GRM1: variants seen among roughly 807,000 people sequenced by gnomAD.
GRM1 encodes the protein glutamate metabotropic receptor 1.
In GRM1, 33 loss-of-function variants were observed where a neutral mutation model predicts 90.9. That is an observed-to-expected ratio of 0.36 (90% CI 0.28 to 0.49). The LOEUF is 0.49. Among genes scored for constraint, GRM1 ranks in the 20% least tolerant of loss-of-function variants. The pLI, the probability that GRM1 is intolerant of heterozygous loss-of-function variation, is 0.99. For synonymous variants in GRM1, 700 were observed against 613.2 expected, an observed-to-expected ratio of 1.14 and a Z score of -2.09; for missense variants, 1,190 against 1,534.3, an observed-to-expected ratio of 0.78 and a Z score of 3.75.
intron 2 of GRM1, among the ~76,000 whole-genome samples, chr6:146,244,937 C>T (rs1781003948): frequency 6.6e-6 from 1 of 152,176 alleles, no homozygotes; most frequent in Non-Finnish European, 1.5e-5. Context: ...GAGCAGTTAG[C>T]TATTGCAAAT....
In GRM1 at chr6:146,065,969, C is replaced by A. The variant is rs532650512; in HGVS notation, c.700+35752C>A. ...CCATGACTCAAAGGAAAAAAAAAAA[C>A]CTGATCAGAATTTGAAATTGAATGA... On this transcript the variant is annotated intron_variant, in intron 1 of 7. Transcript: ENST00000282753. Among the ~76,000 whole-genome samples the A allele has an allele frequency of 1.1e-3, 173 of 151,676 alleles. 2 individuals are homozygous for A. Among genetic ancestry groups the A allele is most frequent in the Non-Finnish European group, 1.1e-3 (74 of 67,828 alleles).
intron 1 of GRM1, among the ~76,000 whole-genome samples, chr6:146,143,694 CAT>C (rs1326144479): frequency 6.6e-6 from 1 of 151,960 alleles, no homozygotes; most frequent in African/African-American, 2.4e-5. Context: ...TAAAAGAAAT[CAT>C]ATTGGGAAAG....
chr6:146,254,021 A>G (rs538206635), intron 2 of GRM1, among the ~76,000 whole-genome samples: 1 of 152,018 alleles, frequency 6.6e-6, no homozygotes, highest in Non-Finnish European at 1.5e-5. Flanking sequence ...GGTTTAAACT[A>G]GATAGTGTGT....
chr6:146,346,254 A>G (rs1448689188), intron 3 of GRM1, among the ~76,000 whole-genome samples: 1 of 152,246 alleles, frequency 6.6e-6, no homozygotes, highest in Admixed American at 6.5e-5. Flanking sequence ...CTGTTTTAAC[A>G]ATAGATTGGA....
intron 2 of GRM1, among the ~76,000 whole-genome samples, chr6:146,256,734 A>G (rs1344249120): frequency 1.3e-5 from 2 of 151,836 alleles, no homozygotes; most frequent in African/African-American, 4.8e-5. Context: ...TTTTTCCCCT[A>G]CTCCATTGGA....
At chr6:146,047,009 A>G (rs537118984) in intron 1 of GRM1, among the ~76,000 whole-genome samples, 1 of 152,124 alleles carries the variant, frequency 6.6e-6, no homozygotes, top group African/African-American at 2.4e-5. Context: ...TCTCACATCA[A>G]TAAAATCATG....
At chr6:146,119,701 C>T (rs371303111) in intron 1 of GRM1, among the ~76,000 whole-genome samples, 1 of 152,078 alleles carries the variant, frequency 6.6e-6, no homozygotes, top group African/African-American at 2.4e-5. Flanking sequence ...ATAGGGAATC[C>T]TTTCTCTATT....
Position 146,436,472 on chromosome 6 carries a change from G to A in GRM1, c.*1676G>A, listed in dbSNP as rs1034037159. On this transcript the variant is annotated 3_prime_UTR_variant, in exon 8 of 8. Transcript: ENST00000282753. Reference sequence around the variant, plus strand: ...ATCATTTTTTTAAAGATTTTCCACAGCTACTTGAGTGTCTAACATACAGTA... The same window carrying A: ...ATCATTTTTTTAAAGATTTTCCACAACTACTTGAGTGTCTAACATACAGTA... 2.6e-5 allele frequency: 4 copies of A among 152,170 alleles called. No individual in the cohort carries two copies. Among genetic ancestry groups the A allele is most frequent in the African/African-American group, 9.7e-5 (4 of 41,434 alleles). The allele number at this position is 152,170 out of a possible 1,614,324, so 9.4% of individuals were successfully genotyped here. A position where few individuals can be genotyped will look rare whatever the true frequency, so the allele number is the denominator to read the frequency against.
At chr6:146,063,891 A>G (rs1015798461) in intron 1 of GRM1, among the ~76,000 whole-genome samples, 3 of 152,170 alleles carry the variant, frequency 2.0e-5, no homozygotes, top group African/African-American at 7.2e-5. Flanking sequence ...AGTACAGCCA[A>G]ATTATTATCT....
chr6:146,192,367 C>T (rs1251140942), intron 2 of GRM1, among the ~76,000 whole-genome samples: 2 of 152,166 alleles, frequency 1.3e-5, no homozygotes, highest in African/African-American at 2.4e-5. Context: ...AAGCTGGGCA[C>T]TAAAATCTAC....
chr6:146,242,646 C>T (rs1780908226), intron 2 of GRM1, among the ~76,000 whole-genome samples: 1 of 152,084 alleles, frequency 6.6e-6, no homozygotes. Flanking sequence ...CTGGTCATTA[C>T]TTTTCTCTAT....
intron 1 of GRM1, among the ~76,000 whole-genome samples, chr6:146,117,688 A>T (rs956471832): frequency 6.6e-6 from 1 of 152,072 alleles, no homozygotes; most frequent in Admixed American, 6.5e-5. Context: ...GCTAATGTAT[A>T]TATTTGTATA....
chr6:146,175,663 A>C (rs1296142170), intron 2 of GRM1, among the ~76,000 whole-genome samples: 1 of 152,126 alleles, frequency 6.6e-6, no homozygotes, highest in African/African-American at 2.4e-5. Flanking sequence ...AATCCAAAAT[A>C]TCCTCCTCTG....
chr6:146,052,285 C>G (rs1310756522), intron 1 of GRM1, among the ~76,000 whole-genome samples: 1 of 151,972 alleles, frequency 6.6e-6, no homozygotes, highest in African/African-American at 2.4e-5. Context: ...AATTCAGCCT[C>G]TCTGTTGTTT....
At chr6:146,346,660 T>G (rs1785200828) in intron 3 of GRM1, among the ~76,000 whole-genome samples, 1 of 152,202 alleles carries the variant, frequency 6.6e-6, no homozygotes. Context: ...TTTATCCCTT[T>G]GAGGTCATTA....
intron 1 of GRM1, among the ~76,000 whole-genome samples, chr6:146,052,140 G>A (rs1351126987): frequency 6.6e-6 from 1 of 151,962 alleles, no homozygotes; most frequent in Non-Finnish European, 1.5e-5. Flanking sequence ...AGAGTTGTGA[G>A]GCTGTGAGGA....
intron 3 of GRM1, among the ~76,000 whole-genome samples, chr6:146,315,326 A>G (rs1203030238): frequency 6.6e-6 from 1 of 152,086 alleles, no homozygotes; most frequent in African/African-American, 2.4e-5. Flanking sequence ...GATCAAGGCT[A>G]CAGTGAGCTA....
intron 4 of GRM1, among the ~76,000 whole-genome samples, chr6:146,355,832 GA>G (rs769905572): frequency 6.6e-6 from 1 of 152,218 alleles, no homozygotes; most frequent in Admixed American, 6.5e-5. Context: ...GGGCGTGTGA[GA>G]GGGGCGAGGG....
chr6:146,239,698 A>C (rs1780781337), intron 2 of GRM1, among the ~76,000 whole-genome samples: 1 of 152,180 alleles, frequency 6.6e-6, no homozygotes. Context: ...TTCAGGTAAA[A>C]ATATTAGAAT....
Sources: gnomAD v4.1 joint callset for allele counts (sites outside exome capture counted in the v4.1 genomes callset) on GRCh38, gnomAD v4.1.1 for gene constraint, MANE v1.5 for transcripts, NCBI Gene and HGNC (gene_info 2026-07-23, HGNC 2026-07-21) for gene names.